The following WDFY4 variants were observed in gnomAD, a reference collection of about 807,000 sequenced individuals.
WDFY4 encodes WD repeat- and FYVE domain-containing protein 4.
WDFY4 carries 169 observed loss-of-function variants against 351.9 expected under a neutral mutation model. The ratio of observed to expected loss-of-function variants is 0.48; its 90% CI spans 0.42 to 0.55. The LOEUF is 0.55. Ranked by LOEUF, WDFY4 falls within the 20% of genes least tolerant of loss-of-function variation. The probability of loss-of-function intolerance (pLI) is 0.00; values close to 1 mark genes in which losing one functional copy is unlikely to be tolerated. For missense variants in WDFY4, 3,803 were observed against 3,935.6 expected (o/e 0.97, Z 0.90); for synonymous variants, 1,622 against 1,574.6 (o/e 1.03, Z -0.71).
At chr10:48,975,577 A>G (rs567938867) in intron 58 of WDFY4, among the ~76,000 whole-genome samples, 2 of 152,328 alleles carry the variant, frequency 1.3e-5, no homozygotes, top group Admixed American at 6.5e-5. Context: ...GGGCATAAAT[A>G]AAATGGGCAG....
intron 51 of WDFY4, among the ~76,000 whole-genome samples, chr10:48,952,995 A>G (rs1377873777): frequency 6.6e-6 from 1 of 152,014 alleles, no homozygotes; most frequent in African/African-American, 2.4e-5. Context: ...AGCTGCCCTG[A>G]CAGTTCAGGC....
rs769110817 is a variant in WDFY4 at position 48,743,466 on chromosome 10, G to A, written c.2377G>A (p.Gly793Arg). Residue 793 changes from glycine to arginine, a missense_variant, in exon 12 of 62, where the codon GGG becomes AGG. Around this residue, in one of 3 missense-constraint regions of WDFY4, gnomAD observed 3,054 missense variants for 3,148.6 expected, o/e 0.97. Transcript: ENST00000325239. Reference sequence around the variant, plus strand: ...GAAGGAGTCCCTGAGGACCAAGCAGGGGCCGGTTGTGGATGTTCAGAAGGG... The same window carrying A: ...GAAGGAGTCCCTGAGGACCAAGCAGAGGCCGGTTGTGGATGTTCAGAAGGG... Reference protein sequence around the residue: ...DLKESLRTKQGPVVDVQKGET... With the variant: ...DLKESLRTKQRPVVDVQKGET... The A allele has an allele frequency of 2.3e-5, 36 of 1,548,620 alleles. No homozygotes were observed. Among genetic ancestry groups the A allele is most frequent in the Non-Finnish European group, 2.9e-5 (33 of 1,146,964 alleles).
At chr10:48,963,770 T>A in intron 53 of WDFY4, 72 bp from the exon 54 acceptor site, 10 of 1,452,934 alleles carry the variant, frequency 6.9e-6, no homozygotes, top group Non-Finnish European at 9.4e-6. Flanking sequence ...ATGTGCCCCT[T>A]CCAATCTGTG....
intron 47 of WDFY4, among the ~76,000 whole-genome samples, chr10:48,911,863 A>G (rs1262450583): frequency 1.3e-5 from 2 of 152,212 alleles, no homozygotes; most frequent in African/African-American, 4.8e-5. Flanking sequence ...GGTTTTAGAA[A>G]TATGATAGGG....
chr10:48,704,087 C>T (rs1245883620), intron 1 of WDFY4, among the ~76,000 whole-genome samples: 5 of 152,146 alleles, frequency 3.3e-5, no homozygotes, highest in African/African-American at 1.2e-4. Context: ...ACTCTGGGCT[C>T]CTGTGGGGGT....
chr10:48,796,715 G>A (rs985304409), intron 24 of WDFY4, among the ~76,000 whole-genome samples: 1 of 152,168 alleles, frequency 6.6e-6, no homozygotes, highest in Non-Finnish European at 1.5e-5. Flanking sequence ...CTCCTTGCAG[G>A]CTGTCATGAG....
intron 35 of WDFY4, chr10:48,823,968 AG>A (rs1229633807): frequency 2.0e-6 from 2 of 985,400 alleles, no homozygotes; most frequent in Non-Finnish European, 2.4e-6. Flanking sequence ...TGAAATTCTA[AG>A]GGAGTAGCCT....
rs530648946 is a variant in WDFY4, at chr10:48,824,928, G to A, written c.5983-1743G>A. ...CCTAAAGTGCTAGCAGTACAGATGT[G>A]AGCCACCATACCCAGCCATGTCACT... On this transcript the variant is annotated intron_variant, in intron 35 of 61. Transcript: ENST00000325239. Among the ~76,000 whole-genome samples the A allele has an allele frequency of 4.6e-5, 7 of 152,258 alleles. No individual in the cohort carries two copies. The South Asian group carries it at 1.2e-3, about 27-fold the overall frequency.
At chr10:48,948,240 T>C (rs1841151557) in intron 51 of WDFY4, among the ~76,000 whole-genome samples, 2 of 152,246 alleles carry the variant, frequency 1.3e-5, no homozygotes, top group South Asian at 4.1e-4. Flanking sequence ...GGAAATTCAC[T>C]CAAAAATAAT....
intron 12 of WDFY4, among the ~76,000 whole-genome samples, chr10:48,754,682 T>C (rs2065281665): frequency 6.6e-6 from 1 of 152,156 alleles, no homozygotes; most frequent in South Asian, 2.1e-4. Flanking sequence ...ACCCAGGTCA[T>C]GGATTTTAGT....
intron 15 of WDFY4, 134 bp downstream of exon 15, chr10:48,775,940 AACT>A: frequency 6.4e-6 from 5 of 787,270 alleles, no homozygotes; most frequent in Non-Finnish European, 1.0e-5. Flanking sequence ...TCAATGCAGC[AACT>A]GAGGAAAAAG....
chr10:48,771,857 G>C (rs2065875981), intron 13 of WDFY4, among the ~76,000 whole-genome samples: 1 of 152,220 alleles, frequency 6.6e-6, no homozygotes, highest in Admixed American at 6.5e-5. Context: ...AATAGGAAGA[G>C]AGGAAGCAGG....
At chr10:48,781,242 GTGTA>G (rs964202298) in intron 19 of WDFY4, among the ~76,000 whole-genome samples, 7 of 151,780 alleles carry the variant, frequency 4.6e-5, no homozygotes, top group African/African-American at 1.7e-4. Context: ...GTGTGTGTGT[GTGTA>G]TATATATATG....
At chr10:48,822,842 T>C (rs1378848637) in intron 35 of WDFY4, among the ~76,000 whole-genome samples, 2 of 152,246 alleles carry the variant, frequency 1.3e-5, no homozygotes, top group African/African-American at 2.4e-5. Flanking sequence ...ATTGTGATTG[T>C]TGGTTTGACC....
rs148392342 is a variant in WDFY4, at chr10:48,729,253, T to G, written c.972-179T>G. Among the ~76,000 whole-genome samples the G allele has an allele frequency of 5.7e-3, 869 of 152,378 alleles. 6 individuals carry two copies. Among genetic ancestry groups the G allele is most frequent in the African/African-American group, 0.019 (797 of 41,586 alleles). On this transcript the variant is annotated intron_variant, in intron 7 of 61. Coordinates refer to ENST00000325239, the MANE Select transcript of WDFY4 (RefSeq NM_001394531.1). ...CACTTCTTTGGATCTAAGACTGACATCTGCAGAGTGGTGTTTATCCAGGGC... is the reference window on the plus strand; with the variant it reads ...CACTTCTTTGGATCTAAGACTGACAGCTGCAGAGTGGTGTTTATCCAGGGC...
intron 57 of WDFY4, among the ~76,000 whole-genome samples, chr10:48,974,527 A>AAAAAAAAAAAAAAAAAAAACAAC: frequency 6.5e-4 from 15 of 23,196 alleles, no homozygotes; most frequent in Non-Finnish European, 7.5e-4. Flanking sequence ...AAAAAAAAAA[A>AAAAAAAAAAAAAAAAAAAACAAC]AACAACTCAT....
intron 1 of WDFY4, among the ~76,000 whole-genome samples, chr10:48,700,691 G>A (rs1318598448): frequency 1.3e-5 from 2 of 152,240 alleles, no homozygotes; most frequent in African/African-American, 2.4e-5. Context: ...GGGAGTGTGT[G>A]GGGTCATGAC....
chr10:48,766,330 C>A (rs1237926790), intron 13 of WDFY4, among the ~76,000 whole-genome samples: 3 of 152,148 alleles, frequency 2.0e-5, no homozygotes, highest in African/African-American at 7.2e-5. Context: ...GTGACTCATG[C>A]CTGTAATTTC....
intron 12 of WDFY4, among the ~76,000 whole-genome samples, chr10:48,751,790 A>T (rs1275856059): frequency 6.6e-6 from 1 of 152,168 alleles, no homozygotes; most frequent in East Asian, 1.9e-4. Context: ...TCCATATCTA[A>T]GCAAGACAAG....
Sources: allele counts gnomAD v4.1 joint callset (sites outside exome capture counted in the v4.1 genomes callset), GRCh38; gene constraint gnomAD v4.1.1; regional missense constraint gnomAD v4.1.1; transcripts MANE v1.5; gene names NCBI Gene and HGNC (gene_info 2026-07-23, HGNC 2026-07-21).